ZNF76: variants seen among roughly 807,000 people sequenced by gnomAD.
ZNF76 encodes the protein zinc finger protein 523.
In ZNF76, 66 loss-of-function variants were observed where a neutral mutation model predicts 66.9. The observed-to-expected ratio is 0.99, with a 90% CI of 0.81 to 1.21. ZNF76 has a LOEUF of 1.21. Among genes scored for constraint, ZNF76 ranks in the 50% most tolerant of loss-of-function variants. ZNF76 has a pLI of 0.00. For missense variants in ZNF76, 729 were observed against 760.3 expected, an observed-to-expected ratio of 0.96 and a Z score of 0.48; for synonymous variants, 275 against 296.1, an observed-to-expected ratio of 0.93 and a Z score of 0.73.
At chr6:35,262,878 C>G (rs1389563207) in intron 1 of ZNF76, among the ~76,000 whole-genome samples, 1 of 152,000 alleles carries the variant, frequency 6.6e-6, no homozygotes, top group Non-Finnish European at 1.5e-5. Flanking sequence ...TCTCAGATTC[C>G]TCCCTCACCT....
rs1435819831 is a variant in ZNF76, at chr6:35,287,669, G to C, written c.256G>C (p.Glu86Gln). 6.2e-7 allele frequency: 1 copy of C among 1,613,570 alleles called. No individual in the cohort carries two copies. The highest frequency in any genetic ancestry group is 1.1e-5 in the South Asian group (1 of 91,020). ...PREGYDPSTL[E>Q]AVQLEDGSTA... The stretch of plus-strand genomic sequence containing the variant: ...AGAAGGCTATGACCCCAGCACCCTG[G>C]AAGCCGTCCAACTGGAAGATGGCTC... The change falls in exon 5 of 14, where the codon GAA becomes CAA. Residue 86 changes from glutamate to glutamine, a missense_variant. By Grantham distance (29) the Glu-to-Gln change is conservative (BLOSUM62 2). Coordinates refer to ENST00000373953, the MANE Select transcript of ZNF76 (RefSeq NM_003427.5). This position sits in a 1 kb window ranked among gnomAD's most constrained non-coding sequence, Gnocchi z 4.0.
At chr6:35,291,459 T>A in intron 8 of ZNF76, 56 bp downstream of exon 8, 1 of 1,613,294 alleles carries the variant, frequency 6.2e-7, no homozygotes, top group Non-Finnish European at 8.5e-7. Context: ...GAATTCAGCT[T>A]GCCTTTCAGA....
At position 35,291,718 on chromosome 6, in the gene ZNF76, T is replaced by C; in HGVS notation, c.912T>C (p.Asn304=). Residue 304 remains asparagine, a synonymous_variant, in exon 9 of 14, where the codon AAT becomes AAC. Transcript: ENST00000373953. ...RGFTSATNYK[N]HVRIHTGEKP... The stretch of plus-strand genomic sequence containing the variant: ...TCACCAGCGCCACCAACTATAAGAA[T>C]CACGTGCGCATCCACACAGGTGGGC... 1 of 1,609,808 alleles carries C rather than the reference T, an allele frequency of 6.2e-7. No individual in the cohort carries two copies. The highest frequency in any genetic ancestry group is 8.5e-7 in the Non-Finnish European group (1 of 1,179,932).
At position 35,278,138 on chromosome 6, in the gene ZNF76, G is replaced by A. The variant is rs1788191092; in HGVS notation, c.-96-2918G>A. On this transcript the variant is annotated intron_variant, in intron 1 of 13. Coordinates refer to ENST00000373953, the MANE Select transcript of ZNF76 (RefSeq NM_003427.5). ...CTCAAAGTGCTGGGATTACAGGTGTGAGCCACCACGCCCAGCCAGTTTTTG... is the reference window on the plus strand; with the variant it reads ...CTCAAAGTGCTGGGATTACAGGTGTAAGCCACCACGCCCAGCCAGTTTTTG... 2.0e-5 allele frequency among the ~76,000 whole-genome samples: 3 copies of A among 152,038 alleles called. No homozygotes were observed. In the South Asian group the frequency reaches 6.2e-4, roughly 31 times the overall value.
At chr6:35,263,508 T>G (rs1413571709) in intron 1 of ZNF76, among the ~76,000 whole-genome samples, 1 of 152,144 alleles carries the variant, frequency 6.6e-6, no homozygotes, top group African/African-American at 2.4e-5. Flanking sequence ...GTCACCAAAT[T>G]CCCAGGTCTC....
rs1237693225 is a variant in ZNF76 at position 35,274,848 on chromosome 6, G to T, written c.-96-6208G>T. On this transcript the variant is annotated intron_variant, in intron 1 of 13. Coordinates refer to ENST00000373953, the MANE Select transcript of ZNF76 (RefSeq NM_003427.5). ...TTTCCTGCATCAGGACCAGTAATGG[G>T]TTAAGTTTATTTAAAAGTGCAGCAG... is the stretch of plus-strand genomic sequence containing the variant. Among the ~76,000 whole-genome samples the T allele has an allele frequency of 2.0e-5, 3 of 152,130 alleles. No homozygotes were observed. The East Asian group carries it at 5.8e-4, about 29-fold the overall frequency.
At chr6:35,270,036 A>G (rs1297376990) in intron 1 of ZNF76, among the ~76,000 whole-genome samples, 1 of 152,242 alleles carries the variant, frequency 6.6e-6, no homozygotes, top group Non-Finnish European at 1.5e-5. Flanking sequence ...AATCATAGAT[A>G]TTCCTGTAAC....
At chr6:35,291,207 A>T in intron 7 of ZNF76, 71 bp from the exon 8 acceptor site, 1 of 1,544,700 alleles carries the variant, frequency 6.5e-7, no homozygotes, top group Non-Finnish European at 8.8e-7. Context: ...GAGCCTGTGC[A>T]TGAGGTGGAC....
chr6:35,294,893 G>T, intron 13 of ZNF76: 1 of 576,152 alleles, frequency 1.7e-6, no homozygotes, highest in Non-Finnish European at 3.1e-6. Context: ...GTTCTCTTCA[G>T]CCAGTCCTTC....
intron 2 of ZNF76, among the ~76,000 whole-genome samples, chr6:35,284,257 A>G (rs1033393270): frequency 2.0e-5 from 3 of 149,030 alleles, no homozygotes; most frequent in Non-Finnish European, 4.5e-5. Flanking sequence ...ACGCCTGGTT[A>G]ATTTTTTTGT....
chr6:35,291,534 C>G (rs1237679620), intron 8 of ZNF76, 24 bp from the exon 9 acceptor site: 1 of 1,608,908 alleles, frequency 6.2e-7, no homozygotes, highest in African/African-American at 1.3e-5. Flanking sequence ...CCACACCCCT[C>G]CTCACATCCC....
chr6:35,272,282 A>G (rs1417977325), intron 1 of ZNF76, among the ~76,000 whole-genome samples: 1 of 152,206 alleles, frequency 6.6e-6, no homozygotes, highest in African/African-American at 2.4e-5. Context: ...TCTCTACAAA[A>G]ATAAGTAAAT....
intron 6 of ZNF76, 77 bp from the exon 7 acceptor site, chr6:35,290,563 AT>A (rs1199850418): frequency 4.5e-6 from 7 of 1,562,022 alleles, no homozygotes; most frequent in Non-Finnish European, 6.2e-6. Flanking sequence ...AGGGAAGAGA[AT>A]CAGGGTCCTA....
intron 1 of ZNF76, among the ~76,000 whole-genome samples, chr6:35,269,144 G>A (rs1217616189): frequency 6.6e-6 from 1 of 151,956 alleles, no homozygotes. Flanking sequence ...TGCCGGGCAT[G>A]GTGGCAGGCG....
At chr6:35,270,957 A>G (rs1786964199) in intron 1 of ZNF76, among the ~76,000 whole-genome samples, 1 of 152,150 alleles carries the variant, frequency 6.6e-6, no homozygotes, top group Admixed American at 6.5e-5. Context: ...ACTCCTGCCT[A>G]GGCGACAGAG....
intron 2 of ZNF76, among the ~76,000 whole-genome samples, chr6:35,281,720 C>T (rs763554096): frequency 3.3e-5 from 5 of 151,812 alleles, no homozygotes; most frequent in Admixed American, 6.6e-5. Context: ...CACTTGAGGC[C>T]GGGAGTTGGA....
At chr6:35,269,488 A>G (rs552565673) in intron 1 of ZNF76, among the ~76,000 whole-genome samples, 1 of 152,080 alleles carries the variant, frequency 6.6e-6, no homozygotes, top group Admixed American at 6.5e-5. Flanking sequence ...GTTCATCCCT[A>G]AGAAGGCCAG....
In ZNF76 at chr6:35,292,882, C is replaced by T. The variant is rs960666960; in HGVS notation, c.1167C>T (p.Ala389=). Residue 389 remains alanine, a splice_region_variant and synonymous_variant, in exon 11 of 14, where the codon GCC becomes GCT. Transcript: ENST00000373953. This position sits in a 1 kb window ranked among gnomAD's most constrained non-coding sequence, Gnocchi z 4.7. ...QALYEQQQLE[A]ASAAEESPPP... ...TCAGCCTTGGCTCTCCTCTCCCAGCCGCCTCTGCAGCCGAGGAGAGTCCGC... is the reference window on the plus strand; with the variant it reads ...TCAGCCTTGGCTCTCCTCTCCCAGCTGCCTCTGCAGCCGAGGAGAGTCCGC... 3.2e-5 allele frequency: 51 copies of T among 1,614,034 alleles called. No individual in the cohort carries two copies. Among genetic ancestry groups the T allele is most frequent in the Middle Eastern group, 1.6e-4 (1 of 6,084 alleles).
chr6:35,273,180 CAAAA>C (rs1042331668), intron 1 of ZNF76, among the ~76,000 whole-genome samples: 1 of 140,940 alleles, frequency 7.1e-6, no homozygotes, highest in East Asian at 2.4e-4. Flanking sequence ...AAACAAAAAA[CAAAA>C]AAAAAACGAG....
Sources: allele counts gnomAD v4.1 joint callset (sites outside exome capture counted in the v4.1 genomes callset), GRCh38; gene constraint gnomAD v4.1.1; non-coding constraint Gnocchi (gnomAD v3.1); transcripts MANE v1.5; gene names NCBI Gene and HGNC (gene_info 2026-07-23, HGNC 2026-07-21).